TAFA1: variants seen among roughly 807,000 people sequenced by gnomAD.
The protein encoded by TAFA1 is TAFA chemokine like family member 1.
TAFA1 carries 4 observed loss-of-function variants against 18.5 expected under a neutral mutation model. That is an observed-to-expected ratio of 0.22 (90% CI 0.11 to 0.49). TAFA1 has a LOEUF of 0.49. Ranked by LOEUF, TAFA1 falls within the 20% of genes least tolerant of loss-of-function variation. The pLI, the probability that TAFA1 is intolerant of heterozygous loss-of-function variation, is 0.98. For missense variants in TAFA1, 147 were observed against 169.0 expected, an observed-to-expected ratio of 0.87 and a Z score of 0.72; for synonymous variants, 56 against 55.2, an observed-to-expected ratio of 1.01 and a Z score of -0.06.
At chr3:68,370,777 G>GTT (rs1249644817) in intron 2 of TAFA1, among the ~76,000 whole-genome samples, 6 of 95,248 alleles carry the variant, frequency 6.3e-5, no homozygotes, top group African/African-American at 2.2e-4. Flanking sequence ...GGGTGTTTTC[G>GTT]TTGTTTTTTT....
intron 2 of TAFA1, among the ~76,000 whole-genome samples, chr3:68,347,138 T>C (rs187794): frequency 0.17 from 25,932 of 152,170 alleles, 2,645 homozygotes; most frequent in South Asian, 0.23. Flanking sequence ...TGGAATTCTC[T>C]TACTGCTTAT....
chr3:68,537,048 T>G (rs2073288416), intron 3 of TAFA1, among the ~76,000 whole-genome samples: 1 of 152,146 alleles, frequency 6.6e-6, no homozygotes. Flanking sequence ...ACCCTAATGC[T>G]TGGTGGATAA....
chr3:68,361,734 T>C (rs746803323), intron 2 of TAFA1, among the ~76,000 whole-genome samples: 3 of 152,066 alleles, frequency 2.0e-5, no homozygotes, highest in Non-Finnish European at 4.4e-5. Flanking sequence ...GAACCCACAT[T>C]TCATGAGCAT....
intron 2 of TAFA1, among the ~76,000 whole-genome samples, chr3:68,187,768 A>T (rs970899303): frequency 1.3e-5 from 2 of 152,008 alleles, no homozygotes; most frequent in African/African-American, 4.8e-5. Flanking sequence ...CACAGCTTAT[A>T]CTTATCCCAG....
intron 2 of TAFA1, among the ~76,000 whole-genome samples, chr3:68,409,207 C>A (rs1368210385): frequency 6.6e-6 from 1 of 152,076 alleles, no homozygotes; most frequent in East Asian, 1.9e-4. Context: ...ATTTACACTC[C>A]CCCCTTAGCA....
At chr3:68,538,192 A>G (rs2073308014) in intron 3 of TAFA1, among the ~76,000 whole-genome samples, 1 of 152,182 alleles carries the variant, frequency 6.6e-6, no homozygotes, top group Non-Finnish European at 1.5e-5. Context: ...TCAGTTCTAC[A>G]ATAGTGATAT....
At chr3:68,422,877 A>C (rs1170310320) in intron 3 of TAFA1, among the ~76,000 whole-genome samples, 2 of 152,156 alleles carry the variant, frequency 1.3e-5, no homozygotes, top group Middle Eastern at 3.4e-3. Context: ...AGTGGGGAGC[A>C]TGCTACTCAA....
chr3:68,118,011 T>C (rs1460307534), intron 2 of TAFA1, among the ~76,000 whole-genome samples: 1 of 152,192 alleles, frequency 6.6e-6, no homozygotes, highest in Non-Finnish European at 1.5e-5. Flanking sequence ...CAGGAACTGG[T>C]TTTGTTGAAA....
chr3:68,245,195 T>A (rs956021330), intron 2 of TAFA1, among the ~76,000 whole-genome samples: 1 of 152,228 alleles, frequency 6.6e-6, no homozygotes, highest in Non-Finnish European at 1.5e-5. Flanking sequence ...AAAATGGTAG[T>A]CTTCATCCTG....
chr3:68,071,440 GA>G (rs1050768344), intron 2 of TAFA1, among the ~76,000 whole-genome samples: 29 of 152,096 alleles, frequency 1.9e-4, no homozygotes, highest in African/African-American at 7.0e-4. Context: ...TTTGGGTGGG[GA>G]CACAGCCAAA....
intron 2 of TAFA1, among the ~76,000 whole-genome samples, chr3:68,016,337 G>A (rs140588492): frequency 5.3e-5 from 8 of 152,172 alleles, no homozygotes; most frequent in East Asian, 3.9e-4. Flanking sequence ...TATTTTTACC[G>A]TACCTTTTCT....
intron 4 of TAFA1, among the ~76,000 whole-genome samples, chr3:68,543,631 A>G (rs1445643233): frequency 6.6e-6 from 1 of 152,132 alleles, no homozygotes; most frequent in Non-Finnish European, 1.5e-5. Context: ...TAGCCTCAGA[A>G]CACTCAACTT....
chr3:68,390,774 G>T (rs1439369616), intron 2 of TAFA1, among the ~76,000 whole-genome samples: 1 of 152,198 alleles, frequency 6.6e-6, no homozygotes, highest in Non-Finnish European at 1.5e-5. Context: ...CTGACTGACT[G>T]TTAGAAGAAA....
chr3:68,400,751 T>C (rs1040784626), intron 2 of TAFA1, among the ~76,000 whole-genome samples: 12 of 152,260 alleles, frequency 7.9e-5, no homozygotes, highest in African/African-American at 2.9e-4. Flanking sequence ...CCTAATTAAT[T>C]CCTAACTACA....
intron 2 of TAFA1, among the ~76,000 whole-genome samples, chr3:68,381,209 C>T: frequency 6.6e-6 from 1 of 150,918 alleles, no homozygotes; most frequent in Non-Finnish European, 1.5e-5. Flanking sequence ...AGCATGATGC[C>T]TCCAGCTTTG....
At chr3:68,388,792 G>T (rs2070163791) in intron 2 of TAFA1, among the ~76,000 whole-genome samples, 1 of 151,904 alleles carries the variant, frequency 6.6e-6, no homozygotes, top group South Asian at 2.1e-4. Context: ...AAACTTCAGG[G>T]TCAGAAGGGA....
intron 2 of TAFA1, among the ~76,000 whole-genome samples, chr3:68,201,713 T>A (rs2066471571): frequency 6.6e-6 from 1 of 151,706 alleles, no homozygotes; most frequent in Non-Finnish European, 1.5e-5. Flanking sequence ...TTATTTTATG[T>A]TTCTATAACA....
At chr3:68,253,952 T>C (rs181579303) in intron 2 of TAFA1, among the ~76,000 whole-genome samples, 2 of 152,306 alleles carry the variant, frequency 1.3e-5, no homozygotes, top group Non-Finnish European at 2.9e-5. Context: ...GATTCAGTGC[T>C]TTCCTACTTT....
At chr3:68,140,987 C>G (rs567833697) in intron 2 of TAFA1, among the ~76,000 whole-genome samples, 1 of 152,192 alleles carries the variant, frequency 6.6e-6, no homozygotes, top group African/African-American at 2.4e-5. Context: ...AGAAACATAC[C>G]AAACCTGAGT....
Sources: gnomAD v4.1 joint callset for allele counts (sites outside exome capture counted in the v4.1 genomes callset) on GRCh38, gnomAD v4.1.1 for gene constraint, MANE v1.5 for transcripts, NCBI Gene and HGNC (gene_info 2026-07-23, HGNC 2026-07-21) for gene names.